The following SEC14L1 variants were observed in gnomAD, a reference collection of about 807,000 sequenced individuals.
SEC14L1 encodes SEC14 like lipid binding 1.
Under a neutral mutation model 85.3 loss-of-function variants are expected in SEC14L1, and 48 were observed. That is an observed-to-expected ratio of 0.56 (90% CI 0.45 to 0.72). The LOEUF (loss-of-function observed/expected upper bound fraction) is 0.72, where lower values mean the gene tolerates loss of function less well. Ranked by LOEUF, SEC14L1 falls within the 30% of genes least tolerant of loss-of-function variation. The probability of loss-of-function intolerance (pLI) is 0.00; values close to 1 mark genes in which losing one functional copy is unlikely to be tolerated. For missense variants in SEC14L1, 682 were observed against 921.4 expected, an observed-to-expected ratio of 0.74 and a Z score of 3.36; for synonymous variants, 391 against 355.5, an observed-to-expected ratio of 1.10 and a Z score of -1.12.
intron 3 of SEC14L1, among the ~76,000 whole-genome samples, chr17:77,145,730 C>G (rs1973271478): frequency 6.6e-6 from 1 of 152,148 alleles, no homozygotes; most frequent in Non-Finnish European, 1.5e-5. Flanking sequence ...TCCGGGAATT[C>G]GAGCTGGGAT....
chr17:77,149,608 A>G (rs769002737), intron 3 of SEC14L1, among the ~76,000 whole-genome samples: 1 of 152,174 alleles, frequency 6.6e-6, no homozygotes, highest in African/African-American at 2.4e-5. Flanking sequence ...CTGAAGAGAG[A>G]GGATCCTTTG....
At chr17:77,189,690 G>T (rs76301391) in intron 3 of SEC14L1, among the ~76,000 whole-genome samples, 10,710 of 152,134 alleles carry the variant, frequency 0.07, 467 homozygotes, top group East Asian at 0.27. Context: ...GTGCAGTGGC[G>T]CGATCTCGGC....
At chr17:77,134,874 G>A (rs1056741881) in intron 3 of SEC14L1, among the ~76,000 whole-genome samples, 3 of 152,192 alleles carry the variant, frequency 2.0e-5, no homozygotes, top group Admixed American at 6.5e-5. Context: ...GATGACAGGC[G>A]GTAGCCACCG....
intron 3 of SEC14L1, among the ~76,000 whole-genome samples, chr17:77,185,718 G>A (rs1349735583): frequency 6.6e-6 from 1 of 152,072 alleles, no homozygotes; most frequent in African/African-American, 2.4e-5. Context: ...TTTAATTAGA[G>A]TGCAGTGGAA....
At chr17:77,163,649 T>C (rs1002281806) in intron 3 of SEC14L1, among the ~76,000 whole-genome samples, 1 of 152,238 alleles carries the variant, frequency 6.6e-6, no homozygotes, top group Non-Finnish European at 1.5e-5. Flanking sequence ...ATGTTCTTCG[T>C]GTCATGCATT....
At chr17:77,128,445 A>C (rs916637932) in intron 3 of SEC14L1, among the ~76,000 whole-genome samples, 2 of 34,992 alleles carry the variant, frequency 5.7e-5, no homozygotes, top group African/African-American at 2.5e-4. Context: ...ATTTTATTTT[A>C]TTTTATTTTA....
chr17:77,099,887 A>C (rs2143308530), intron 3 of SEC14L1, among the ~76,000 whole-genome samples: 1 of 152,350 alleles, frequency 6.6e-6, no homozygotes, highest in African/African-American at 2.4e-5. Context: ...AAAATGAAAT[A>C]AAGGCTTCAT....
At chr17:77,136,226 TTTCTC>T (rs1052783609), upstream of SEC14L1, among the ~76,000 whole-genome samples, 1 of 151,672 alleles carries the variant, frequency 6.6e-6, no homozygotes, top group African/African-American at 2.4e-5. Flanking sequence ...TTTTCTTTCT[TTTCTC>T]TTTCCTTCCT....
At chr17:77,200,384 G>A in intron 8 of SEC14L1, 100 bp from the exon 9 acceptor site, 1 of 881,312 alleles carries the variant, frequency 1.1e-6, no homozygotes, top group East Asian at 2.5e-5. Context: ...GGCCAGGCTG[G>A]TCTTGAACTC....
intron 3 of SEC14L1, among the ~76,000 whole-genome samples, chr17:77,115,606 G>T (rs1003501325): frequency 2.0e-5 from 3 of 152,062 alleles, no homozygotes; most frequent in Non-Finnish European, 2.9e-5. Context: ...CATTCTGGGT[G>T]GCTGCTGTTC....
At chr17:77,195,021 C>T in intron 7 of SEC14L1, 110 bp downstream of exon 7, 1 of 755,632 alleles carries the variant, frequency 1.3e-6, no homozygotes, top group Non-Finnish European at 2.2e-6. Flanking sequence ...TTAGATAACT[C>T]AGAAAGGAAA....
intron 3 of SEC14L1, among the ~76,000 whole-genome samples, chr17:77,180,338 C>T (rs1401944557): frequency 1.3e-5 from 2 of 152,024 alleles, no homozygotes; most frequent in Non-Finnish European, 2.9e-5. Context: ...GTGATCTGCC[C>T]GCCTTGGCCT....
At chr17:77,172,237 G>A (rs2143691692) in intron 3 of SEC14L1, among the ~76,000 whole-genome samples, 1 of 152,156 alleles carries the variant, frequency 6.6e-6, no homozygotes, top group Admixed American at 6.5e-5. Context: ...CTCTTGGTGG[G>A]ACTTGAGGTA....
chr17:77,195,567 A>G (rs1465174160), intron 7 of SEC14L1, among the ~76,000 whole-genome samples: 2 of 152,146 alleles, frequency 1.3e-5, no homozygotes, highest in Admixed American at 6.5e-5. Context: ...GGCTCAGTGC[A>G]GCCTTCGTCT....
rs1567899368 is a variant in SEC14L1 at position 77,157,196 on chromosome 17, G to A, written c.63+13537G>A. Among the ~76,000 whole-genome samples, 3 of 152,242 alleles carry A rather than the reference G, an allele frequency of 2.0e-5. No homozygotes were observed. In the East Asian group the frequency reaches 5.8e-4, roughly 29 times the overall value. On this transcript the variant is annotated intron_variant, in intron 3 of 16. Coordinates refer to ENST00000436233, the MANE Select transcript of SEC14L1 (RefSeq NM_001143998.2). ...AAGGCCCAGAACTAAAAGCTACAGGGTACATATTTTAAGAAGTAAATTGAT... is the reference window on the plus strand; with the variant it reads ...AAGGCCCAGAACTAAAAGCTACAGGATACATATTTTAAGAAGTAAATTGAT...
intron 3 of SEC14L1, among the ~76,000 whole-genome samples, chr17:77,111,578 T>A (rs758367847): frequency 1.3e-5 from 2 of 152,090 alleles, no homozygotes; most frequent in African/African-American, 2.4e-5. Flanking sequence ...CTTGCATCAG[T>A]GTGACCTGGA....
intron 9 of SEC14L1, among the ~76,000 whole-genome samples, chr17:77,202,346 C>G (rs746844495): frequency 6.6e-6 from 1 of 151,910 alleles, no homozygotes. Flanking sequence ...AGGCTGGGCG[C>G]GGTGGCTCAC....
rs1976954829 is a variant in SEC14L1, at chr17:77,214,722, CA to C, written c.*702del. On this transcript the variant is annotated 3_prime_UTR_variant, in exon 17 of 17. Coordinates refer to ENST00000436233, the MANE Select transcript of SEC14L1 (RefSeq NM_001143998.2). The stretch of plus-strand genomic sequence containing the variant: ...ACATTACTTTCTCTTTCCTCCTTTT[CA>C]AATCTTTTTGATACTTTTTAGAGCA... 3.0e-6 allele frequency: 3 copies of C among 985,418 alleles called. No individual in the cohort carries two copies. The highest frequency in any genetic ancestry group is 3.6e-6 in the Non-Finnish European group (3 of 829,992). 61.0% of individuals were successfully genotyped at this position (985,418 alleles called of 1,614,324 possible). A position where few individuals can be genotyped will look rare whatever the true frequency, so the allele number is the denominator to read the frequency against.
chr17:77,092,716 A>G (rs1239582325), intron 2 of SEC14L1, among the ~76,000 whole-genome samples: 1 of 152,096 alleles, frequency 6.6e-6, no homozygotes, highest in Non-Finnish European at 1.5e-5. Context: ...TGGGAGGCTG[A>G]GGCGGGCGGA....
Sources: gnomAD v4.1 joint callset for allele counts (sites outside exome capture counted in the v4.1 genomes callset) on GRCh38, gnomAD v4.1.1 for gene constraint, MANE v1.5 for transcripts, NCBI Gene and HGNC (gene_info 2026-07-23, HGNC 2026-07-21) for gene names.